Variants in GNG3 observed in about 807,000 individuals in gnomAD.
GNG3 encodes the protein guanine nucleotide-binding protein G(I)/G(S)/G(O) subunit gamma-3.
GNG3 carries 4 observed loss-of-function variants against 5.6 expected under a neutral mutation model. The observed-to-expected ratio is 0.71, with a 90% CI of 0.35 to 1.63. The LOEUF is 1.63. GNG3 is among the 40% of genes most tolerant of loss of function. The probability of loss-of-function intolerance (pLI) is 0.05; values close to 1 mark genes in which losing one functional copy is unlikely to be tolerated. For synonymous variants in GNG3, 30 were observed against 33.5 expected, an observed-to-expected ratio of 0.89 and a Z score of 0.36; for missense variants, 62 against 96.6, an observed-to-expected ratio of 0.64 and a Z score of 1.50.
chr11:62,709,122 G>A lies in GNG3; in HGVS notation c.*316G>A, dbSNP rs541142405. 1.2e-5 allele frequency: 6 copies of A among 481,018 alleles called. No homozygotes were observed. Among genetic ancestry groups the A allele is most frequent in the Admixed American group, 7.1e-5 (3 of 42,478 alleles). 29.8% of individuals were successfully genotyped at this position (481,018 alleles called of 1,614,324 possible). A position where few individuals can be genotyped will look rare whatever the true frequency, so the allele number is the denominator to read the frequency against. The stretch of plus-strand genomic sequence containing the variant: ...CTGCTCAGACAATGGAGAGGGATGG[G>A]CCAGGTTCTTGCTCTCAGTCTCACC... On this transcript the variant is annotated 3_prime_UTR_variant, in exon 3 of 3. Coordinates refer to ENST00000294117, the MANE Select transcript of GNG3 (RefSeq NM_012202.5).
upstream of GNG3, chr11:62,706,748 T>C: frequency 3.9e-6 from 2 of 519,134 alleles, no homozygotes; most frequent in Non-Finnish European, 7.7e-6. Flanking sequence ...ATGTTGCAGT[T>C]TGCGGCAACC....
chr11:62,707,052 C>T, upstream of GNG3: 1 of 1,465,052 alleles, frequency 6.8e-7, no homozygotes, highest in Non-Finnish European at 9.4e-7. Context: ...GCCCCCTTCA[C>T]GCCAGCCCAC....
In GNG3 at chr11:62,709,185, A is replaced by C; in HGVS notation, c.*379A>C. On this transcript the variant is annotated 3_prime_UTR_variant, in exon 3 of 3. Coordinates refer to ENST00000294117, the MANE Select transcript of GNG3 (RefSeq NM_012202.5). ...GAGGGTAAAGCCATTTGAAGAATAA[A>C]GTCATCCAGAGCCTCAGGACAGCTC... 2.2e-6 allele frequency: 1 copy of C among 459,002 alleles called. No homozygotes were observed. Among genetic ancestry groups the C allele is most frequent in the Non-Finnish European group, 4.3e-6 (1 of 230,058 alleles). The allele number at this position is 459,002 out of a possible 1,614,324, so 28.4% of individuals were successfully genotyped here.
Position 62,707,706 on chromosome 11 carries a change from G to A in GNG3, c.-211G>A. 2.8e-6 allele frequency: 1 copy of A among 353,160 alleles called. No individual in the cohort carries two copies. The highest frequency in any genetic ancestry group is 5.4e-6 in the Non-Finnish European group (1 of 183,772). 21.9% of individuals were successfully genotyped at this position (353,160 alleles called of 1,614,324 possible). On this transcript the variant is annotated 5_prime_UTR_variant, in exon 1 of 3. Transcript: ENST00000294117. ...AGCATCCTTCATCCTTCAGGTACCA[G>A]CCATCCAGACAGTGCTTGAGCTGCA...
Position 62,708,893 on chromosome 11 carries a change from C to T in GNG3, c.*87C>T. Reference sequence around the variant, plus strand: ...GTAATTGTTGTGAGCCCCTTAGGCTCCTTGCATCCCATCCCTAACCCTTGC... The same window carrying T: ...GTAATTGTTGTGAGCCCCTTAGGCTTCTTGCATCCCATCCCTAACCCTTGC... On this transcript the variant is annotated 3_prime_UTR_variant, in exon 3 of 3. Coordinates refer to ENST00000294117, the MANE Select transcript of GNG3 (RefSeq NM_012202.5). 1 of 986,554 alleles carries T rather than the reference C, an allele frequency of 1.0e-6. No individual in the cohort carries two copies. The highest frequency in any genetic ancestry group is 1.6e-6 in the Non-Finnish European group (1 of 628,558). The allele number at this position is 986,554 out of a possible 1,614,324, so 61.1% of individuals were successfully genotyped here.
chr11:62,707,253 C>T (rs2083556802), upstream of GNG3: 1 of 1,430,568 alleles, frequency 7.0e-7, no homozygotes, highest in Non-Finnish European at 9.6e-7. Context: ...GTGGCTAAAA[C>T]GTGAAGTGGC....
chr11:62,706,488 A>T (rs2083540784), upstream of GNG3: 1 of 402,730 alleles, frequency 2.5e-6, no homozygotes, highest in African/African-American at 2.1e-5. Context: ...CCCTCCGGTT[A>T]CCGTGACCAA....
chr11:62,707,942 T>C (rs975622017), intron 1 of GNG3, 27 bp downstream of exon 1: 8 of 318,754 alleles, frequency 2.5e-5, no homozygotes, highest in African/African-American at 1.3e-4. Flanking sequence ...TTTTCTCCTG[T>C]TGGGGCTCAC....
chr11:62,707,859 T>G lies in GNG3; in HGVS notation c.-58T>G, dbSNP rs2083567975. 3.9e-6 allele frequency: 1 copy of G among 257,450 alleles called. No individual in the cohort carries two copies. The highest frequency in any genetic ancestry group is 7.6e-6 in the Non-Finnish European group (1 of 131,000). 15.9% of individuals were successfully genotyped at this position (257,450 alleles called of 1,614,324 possible). The stretch of plus-strand genomic sequence containing the variant: ...GGGGCACCCATTTCAGGCAGAAGGT[T>G]TTGGTACCCTCCACTGACCCTACAC... On this transcript the variant is annotated 5_prime_UTR_variant, in exon 1 of 3. Coordinates refer to ENST00000294117, the MANE Select transcript of GNG3 (RefSeq NM_012202.5).
At chr11:62,707,083 C>G, upstream of GNG3, 2 of 1,544,942 alleles carry the variant, frequency 1.3e-6, no homozygotes. Context: ...TATATTTCTG[C>G]TGACTGTCCC....
upstream of GNG3, chr11:62,707,641 C>G: frequency 2.1e-6 from 1 of 472,410 alleles, no homozygotes; most frequent in South Asian, 2.1e-5. Context: ...CCCCACTGGC[C>G]AGGCAGTTGG....
chr11:62,708,931 G>C lies in GNG3; in HGVS notation c.*125G>C, dbSNP rs878884574. The C allele has an allele frequency of 1.3e-6, 1 of 764,540 alleles. No individual in the cohort carries two copies. The highest frequency in any genetic ancestry group is 1.7e-5 in the African/African-American group (1 of 57,548). The allele number at this position is 764,540 out of a possible 1,614,324, so 47.4% of individuals were successfully genotyped here. A position where few individuals can be genotyped will look rare whatever the true frequency, so the allele number is the denominator to read the frequency against. ...CCCTAACCCTTGCCTGACCATGTGA[G>C]GTTATCTGAAGCACAAGGCCCACCC... On this transcript the variant is annotated 3_prime_UTR_variant, in exon 3 of 3. Coordinates refer to ENST00000294117, the MANE Select transcript of GNG3 (RefSeq NM_012202.5).
In GNG3 at chr11:62,708,890, G is replaced by C; in HGVS notation, c.*84G>C. 1 of 1,045,300 alleles carries C rather than the reference G, an allele frequency of 9.6e-7. No individual in the cohort carries two copies. The highest frequency in any genetic ancestry group is 1.5e-6 in the Non-Finnish European group (1 of 680,566). 64.8% of individuals were successfully genotyped at this position (1,045,300 alleles called of 1,614,324 possible). A position where few individuals can be genotyped will look rare whatever the true frequency, so the allele number is the denominator to read the frequency against. On this transcript the variant is annotated 3_prime_UTR_variant, in exon 3 of 3. Coordinates refer to ENST00000294117, the MANE Select transcript of GNG3 (RefSeq NM_012202.5). ...TCAGTAATTGTTGTGAGCCCCTTAG[G>C]CTCCTTGCATCCCATCCCTAACCCT... is the stretch of plus-strand genomic sequence containing the variant.
Position 62,708,413 on chromosome 11 carries a change from G to A in GNG3, c.99+19G>A. The A allele has an allele frequency of 6.4e-7, 1 of 1,559,738 alleles. No individual in the cohort carries two copies. Reference sequence around the variant, plus strand: ...GATAAAGGTAGGTGGGACCCTGGCTGGCTCCCATTAGTTGGCCAGGCTGTG... The same window carrying A: ...GATAAAGGTAGGTGGGACCCTGGCTAGCTCCCATTAGTTGGCCAGGCTGTG... On this transcript the variant is annotated intron_variant, in intron 2 of 2. Coordinates refer to ENST00000294117, the MANE Select transcript of GNG3 (RefSeq NM_012202.5).
intron 2 of GNG3, 123 bp downstream of exon 2, chr11:62,708,517 G>C: frequency 8.1e-7 from 1 of 1,233,364 alleles, no homozygotes; most frequent in Non-Finnish European, 1.2e-6. Context: ...AGGAGTCTGG[G>C]GCTCTGTAGA....
At position 62,708,369 on chromosome 11, in the gene GNG3, T is replaced by C. The variant is rs776836426; in HGVS notation, c.74T>C (p.Ile25Thr). Residue 25 changes from isoleucine (I) to threonine (T), a missense_variant, in exon 2 of 3, where the codon ATT becomes ACT. Around this residue, in one of 2 missense-constraint regions of GNG3, gnomAD observed 58 missense variants for 75.4 expected, o/e 0.77. Transcript: ENST00000294117. The part of the protein sequence containing the change: ...QARKMVEQLK[I>T]EASLCRIKVS... ...CGCAAGATGGTGGAACAGCTTAAGATTGAAGCCAGCTTGTGTCGGATAAAG... is the reference window on the plus strand; with the variant it reads ...CGCAAGATGGTGGAACAGCTTAAGACTGAAGCCAGCTTGTGTCGGATAAAG... 7 of 1,613,286 alleles carry C rather than the reference T, an allele frequency of 4.3e-6. No homozygotes were observed. Among genetic ancestry groups the C allele is most frequent in the East Asian group, 2.2e-5 (1 of 44,876 alleles).
In GNG3 at chr11:62,707,771, GC is replaced by G. The variant is rs1249305307; in HGVS notation, c.-144del. The stretch of plus-strand genomic sequence containing the variant: ...ACCTCTGGCCTGGCCCTCCCCAGGG[GC>G]CTCCTTTCGTATAGTCACTGCTTCT... On this transcript the variant is annotated 5_prime_UTR_variant, in exon 1 of 3. Coordinates refer to ENST00000294117, the MANE Select transcript of GNG3 (RefSeq NM_012202.5). 5.1e-5 allele frequency: 14 copies of G among 275,098 alleles called. No individual in the cohort carries two copies. Among genetic ancestry groups the G allele is most frequent in the African/African-American group, 3.0e-4 (14 of 46,326 alleles). 17.0% of individuals were successfully genotyped at this position (275,098 alleles called of 1,614,324 possible).
At position 62,708,752 on chromosome 11, in the gene GNG3, G is replaced by A; in HGVS notation, c.174G>A (p.Val58=). The change falls in exon 3 of 3, where the codon GTG becomes GTA. Residue 58 remains valine (V), a synonymous_variant. Transcript: ENST00000294117. Reference sequence around the variant, plus strand: ...GTGAGGATCCCCTCATCACCCCTGTGCCCACTTCGGAGAACCCCTTCCGGG... The same window carrying A: ...GTGAGGATCCCCTCATCACCCCTGTACCCACTTCGGAGAACCCCTTCCGGG... ...HACEDPLITP[V]PTSENPFREK... is the part of the protein sequence containing the mutation. The A allele has an allele frequency of 6.2e-7, 1 of 1,614,112 alleles. No individual in the cohort carries two copies. The highest frequency in any genetic ancestry group is 8.5e-7 in the Non-Finnish European group (1 of 1,179,986).
Position 62,709,050 on chromosome 11 carries a change from G to A in GNG3, c.*244G>A, listed in dbSNP as rs1440254488. On this transcript the variant is annotated 3_prime_UTR_variant, in exon 3 of 3. Transcript: ENST00000294117. ...CACCCTTTGCTCCACCCACAGCAGGGCCCCGTCAGACTCTGCCAGCGCGTC... is the reference window on the plus strand; with the variant it reads ...CACCCTTTGCTCCACCCACAGCAGGACCCCGTCAGACTCTGCCAGCGCGTC... The A allele has an allele frequency of 3.3e-5, 17 of 512,618 alleles. No individual in the cohort carries two copies. Among genetic ancestry groups the A allele is most frequent in the South Asian group, 3.2e-4 (17 of 53,536 alleles). 31.8% of individuals were successfully genotyped at this position (512,618 alleles called of 1,614,324 possible). A position where few individuals can be genotyped will look rare whatever the true frequency, so the allele number is the denominator to read the frequency against.
Sources: allele counts gnomAD v4.1 joint callset, GRCh38; gene constraint gnomAD v4.1.1; regional missense constraint gnomAD v4.1.1; transcripts MANE v1.5; gene names NCBI Gene and HGNC (gene_info 2026-07-23, HGNC 2026-07-21).